GPR39: variants seen among roughly 807,000 people sequenced by gnomAD.
GPR39 encodes the protein G protein-coupled receptor 39, also known as zinc sensing receptor.
GPR39 carries 23 observed loss-of-function variants against 18.4 expected under a neutral mutation model. The observed-to-expected ratio is 1.25, with a 90% CI of 0.90 to 1.77. The LOEUF is 1.77. Ranked by LOEUF, GPR39 falls within the 40% of genes most tolerant of loss-of-function variation. The pLI, the probability that GPR39 is intolerant of heterozygous loss-of-function variation, is 0.00. For missense variants in GPR39, 647 were observed against 602.4 expected (o/e 1.07, Z -0.78); for synonymous variants, 280 against 257.9 (o/e 1.09, Z -0.82).
intron 1 of GPR39, among the ~76,000 whole-genome samples, chr2:132,532,511 C>T (rs1299913803): frequency 6.6e-6 from 1 of 152,126 alleles, no homozygotes; most frequent in Non-Finnish European, 1.5e-5. Context: ...CAGCATCATC[C>T]TGATACCAAA....
At chr2:132,425,164 A>G (rs1387052790) in intron 1 of GPR39, among the ~76,000 whole-genome samples, 2 of 152,232 alleles carry the variant, frequency 1.3e-5, no homozygotes, top group South Asian at 2.1e-4. Flanking sequence ...CATTCTGCAT[A>G]TGATATATCT....
chr2:132,490,708 A>G (rs1681441117), intron 1 of GPR39, among the ~76,000 whole-genome samples: 1 of 151,880 alleles, frequency 6.6e-6, no homozygotes. Flanking sequence ...TGATGTGGGC[A>G]CAGGCCTGAA....
At chr2:132,600,000 C>G (rs1405909470) in intron 1 of GPR39, among the ~76,000 whole-genome samples, 3 of 152,184 alleles carry the variant, frequency 2.0e-5, no homozygotes, top group Admixed American at 2.0e-4. Context: ...CATTGACTCT[C>G]CACATCATAG....
chr2:132,513,550 G>A (rs1179020962), intron 1 of GPR39, among the ~76,000 whole-genome samples: 1 of 145,078 alleles, frequency 6.9e-6, no homozygotes, highest in Non-Finnish European at 1.5e-5. Context: ...AGCTTGGGAA[G>A]TCTGTCTACT....
intron 1 of GPR39, among the ~76,000 whole-genome samples, chr2:132,422,691 T>A (rs889547774): frequency 6.6e-6 from 1 of 152,100 alleles, no homozygotes; most frequent in Non-Finnish European, 1.5e-5. Flanking sequence ...TTGCCTCAAA[T>A]ATTTTATGTT....
chr2:132,544,523 C>G (rs569296094), intron 1 of GPR39, among the ~76,000 whole-genome samples: 1 of 152,188 alleles, frequency 6.6e-6, no homozygotes, highest in Admixed American at 6.5e-5. Context: ...CCCCAGATGT[C>G]CATGCCCCTG....
At chr2:132,537,827 T>C (rs1010586898) in intron 1 of GPR39, among the ~76,000 whole-genome samples, 13 of 151,940 alleles carry the variant, frequency 8.6e-5, no homozygotes, top group African/African-American at 2.9e-4. Context: ...TTCTTCTGCT[T>C]GATCGATTCG....
intron 1 of GPR39, among the ~76,000 whole-genome samples, chr2:132,583,890 C>T (rs1335543506): frequency 1.3e-5 from 2 of 152,070 alleles, no homozygotes; most frequent in African/African-American, 2.4e-5. Context: ...GTACACAGCC[C>T]AGGATTCCAA....
chr2:132,537,785 T>G (rs562659713), intron 1 of GPR39, among the ~76,000 whole-genome samples: 1 of 152,082 alleles, frequency 6.6e-6, no homozygotes, highest in African/African-American at 2.4e-5. Context: ...ATGCTTTATT[T>G]CAGCAAAATG....
intron 1 of GPR39, among the ~76,000 whole-genome samples, chr2:132,601,497 C>T (rs1681041987): frequency 6.6e-6 from 1 of 151,876 alleles, no homozygotes; most frequent in Non-Finnish European, 1.5e-5. Flanking sequence ...ACAGTCCCAC[C>T]GCATATATCA....
At chr2:132,477,758 C>G (rs1009889725) in intron 1 of GPR39, among the ~76,000 whole-genome samples, 1 of 152,096 alleles carries the variant, frequency 6.6e-6, no homozygotes, top group Non-Finnish European at 1.5e-5. Flanking sequence ...GTTACAGACC[C>G]CTGATGCAAA....
intron 1 of GPR39, among the ~76,000 whole-genome samples, chr2:132,438,573 C>CTTTTTTTTTTTT (rs35614907): frequency 1.1e-4 from 11 of 97,762 alleles, no homozygotes; most frequent in East Asian, 1.0e-3. Context: ...TGTCAGCAAG[C>CTTTTTTTTTTTT]TTTTTTTTTT....
chr2:132,493,527 T>TATATATAC (rs1553451805), intron 1 of GPR39, among the ~76,000 whole-genome samples: 9 of 129,988 alleles, frequency 6.9e-5, no homozygotes, highest in African/African-American at 2.8e-4. Context: ...TATATATATA[T>TATATATAC]ACACACACCA....
chr2:132,486,263 T>C (rs1416231002), intron 1 of GPR39, among the ~76,000 whole-genome samples: 2 of 152,232 alleles, frequency 1.3e-5, no homozygotes, highest in Non-Finnish European at 2.9e-5. Context: ...CAAAGTAGAT[T>C]TGGCATAATT....
intron 1 of GPR39, among the ~76,000 whole-genome samples, chr2:132,495,161 G>C (rs1476028011): frequency 6.6e-6 from 1 of 152,208 alleles, no homozygotes; most frequent in East Asian, 1.9e-4. Context: ...AAGAGGAAGA[G>C]AGCATCATAG....
chr2:132,478,462 T>C (rs1246624996), intron 1 of GPR39, among the ~76,000 whole-genome samples: 1 of 152,170 alleles, frequency 6.6e-6, no homozygotes, highest in Non-Finnish European at 1.5e-5. Context: ...AAAATCTACA[T>C]CTAATTTATT....
chr2:132,560,641 C>T (rs1680234519), intron 1 of GPR39, among the ~76,000 whole-genome samples: 1 of 152,222 alleles, frequency 6.6e-6, no homozygotes, highest in Non-Finnish European at 1.5e-5. Flanking sequence ...TCACCAGTGC[C>T]CAGTCTCCCT....
chr2:132,591,739 C>T (rs990232714), intron 1 of GPR39, among the ~76,000 whole-genome samples: 2 of 152,132 alleles, frequency 1.3e-5, no homozygotes, highest in African/African-American at 4.8e-5. Flanking sequence ...AGCCAAAGAT[C>T]AACATCACAA....
intron 1 of GPR39, among the ~76,000 whole-genome samples, chr2:132,546,390 C>A (rs1024930423): frequency 6.6e-6 from 1 of 152,190 alleles, no homozygotes; most frequent in East Asian, 1.9e-4. Context: ...CTGGACAGAT[C>A]GGGGGATAGG....
Sources: gnomAD v4.1 joint callset for allele counts (sites outside exome capture counted in the v4.1 genomes callset) on GRCh38, gnomAD v4.1.1 for gene constraint, MANE v1.5 for transcripts, NCBI Gene and HGNC (gene_info 2026-07-23, HGNC 2026-07-21) for gene names.